Variants in RORA observed in about 807,000 individuals in gnomAD.
RORA encodes the protein RAR related orphan receptor A, also known as nuclear receptor ROR-alpha.
Under a neutral mutation model 69.5 loss-of-function variants are expected in RORA, and 7 were observed. The ratio of observed to expected loss-of-function variants is 0.10; its 90% CI spans 0.06 to 0.19. RORA has a LOEUF of 0.19. Ranked by LOEUF, RORA falls within the 10% of genes least tolerant of loss-of-function variation. RORA has a pLI of 1.00. For synonymous variants in RORA, 261 were observed against 240.8 expected (o/e 1.08, Z -0.78); for missense variants, 457 against 663.0 (o/e 0.69, Z 3.41).
rs749170230 is a variant in RORA, at chr15:60,503,571, G to C, written c.1039C>G (p.Leu347Val). 6.2e-7 allele frequency: 1 copy of C among 1,614,088 alleles called. No individual in the cohort carries two copies. The highest frequency in any genetic ancestry group is 8.5e-7 in the Non-Finnish European group (1 of 1,179,984). Residue 347 changes from leucine (L) to valine (V), a missense_variant, in exon 7 of 11, where the codon CTG becomes GTG. Transcript: ENST00000335670. Reference protein sequence around the residue: ...FAKRIDGFMELCQNDQIVLLK... With the variant: ...FAKRIDGFMEVCQNDQIVLLK... Reference sequence around the variant, plus strand: ...AGCACAATTTGATCATTTTGACACAGTTCCATAAATCCATCAATGCGTTTG... The same window carrying C: ...AGCACAATTTGATCATTTTGACACACTTCCATAAATCCATCAATGCGTTTG...
intron 1 of RORA, among the ~76,000 whole-genome samples, chr15:60,879,735 T>A (rs979524183): frequency 6.6e-6 from 1 of 152,240 alleles, no homozygotes. Flanking sequence ...AACAGGCTAA[T>A]AGCACTGAGG....
chr15:61,047,121 G>A lies in RORA; in HGVS notation c.166+181932C>T, dbSNP rs58836007. Among the ~76,000 whole-genome samples, 975 of 152,264 alleles carry A rather than the reference G, an allele frequency of 6.4e-3. 12 individuals are homozygous for A. The highest frequency in any genetic ancestry group is 0.023 in the African/African-American group (938 of 41,550). On this transcript the variant is annotated intron_variant, in intron 1 of 10. Transcript: ENST00000335670. ...CTCTTTTTATTCTAGAAGGGGTCTG[G>A]GTCTCTGGCATGCTGAGCGGCCTTC... is the stretch of plus-strand genomic sequence containing the variant.
chr15:60,973,818 G>C (rs1275197438), intron 1 of RORA, among the ~76,000 whole-genome samples: 1 of 152,214 alleles, frequency 6.6e-6, no homozygotes, highest in African/African-American at 2.4e-5. Context: ...GTAACCGTGG[G>C]TCGGAGACAT....
In RORA at chr15:60,905,317, T is replaced by C. The variant is rs1369376514; in HGVS notation, c.167-226631A>G. On this transcript the variant is annotated intron_variant, in intron 1 of 10. Coordinates refer to ENST00000335670, the MANE Select transcript of RORA (RefSeq NM_134261.3). The surrounding 1 kb of genome is among the most constrained non-coding windows in gnomAD (Gnocchi z 4.8). Reference sequence around the variant, plus strand: ...GCAGCCAGAGGTTCCTTAATTTGCATCGTTATATGAGTGCAAAGCATGATG... The same window carrying C: ...GCAGCCAGAGGTTCCTTAATTTGCACCGTTATATGAGTGCAAAGCATGATG... Among the ~76,000 whole-genome samples the C allele has an allele frequency of 2.0e-5, 3 of 152,218 alleles. No individual in the cohort carries two copies. The highest frequency in any genetic ancestry group is 4.4e-5 in the Non-Finnish European group (3 of 68,038).
chr15:60,829,447 C>A (rs1034033748), intron 1 of RORA, among the ~76,000 whole-genome samples: 31 of 152,234 alleles, frequency 2.0e-4, no homozygotes, highest in African/African-American at 7.0e-4. Flanking sequence ...GGGCCCGATT[C>A]TGCCAAAAAA....
In RORA at chr15:60,534,927, T is replaced by C. The variant is rs2066632128; in HGVS notation, c.197-3076A>G. Among the ~76,000 whole-genome samples the C allele has an allele frequency of 6.6e-6, 1 of 152,126 alleles. No individual in the cohort carries two copies. Among genetic ancestry groups the C allele is most frequent in the Non-Finnish European group, 1.5e-5 (1 of 68,032 alleles). ...TTCAAATGAATCCATGAGAAAAAAA[T>C]GCAGTCAATGCCTTGCAAATTTTTC... On this transcript the variant is annotated intron_variant, in intron 2 of 10. Transcript: ENST00000335670. The surrounding 1 kb of genome is among the most constrained non-coding windows in gnomAD (Gnocchi z 5.0).
intron 1 of RORA, among the ~76,000 whole-genome samples, chr15:60,959,401 C>T (rs1893354538): frequency 6.6e-6 from 1 of 152,220 alleles, no homozygotes; most frequent in African/African-American, 2.4e-5. Context: ...CTAGTTCAAC[C>T]ACGTACCTGA....
chr15:60,811,127 T>TCCAG (rs886734019), intron 1 of RORA, among the ~76,000 whole-genome samples: 2 of 152,162 alleles, frequency 1.3e-5, no homozygotes, highest in African/African-American at 4.8e-5. Context: ...CTGTCCTGAG[T>TCCAG]CCAGAGACAC....
At chr15:60,672,816 T>C (rs918967748) in intron 2 of RORA, among the ~76,000 whole-genome samples, 2 of 152,258 alleles carry the variant, frequency 1.3e-5, no homozygotes, top group African/African-American at 2.4e-5. Context: ...TAGGTGGTGT[T>C]CCTGCTATTG....
chr15:61,091,403 C>T (rs546226515), intron 1 of RORA, among the ~76,000 whole-genome samples: 7 of 152,256 alleles, frequency 4.6e-5, no homozygotes, highest in African/African-American at 9.6e-5. Flanking sequence ...AATGGGCGTC[C>T]GTAAGCGCTG....
At chr15:60,510,991 T>C (rs935912990) in intron 5 of RORA, among the ~76,000 whole-genome samples, 3 of 152,182 alleles carry the variant, frequency 2.0e-5, no homozygotes, top group African/African-American at 7.2e-5. Context: ...ATTCAAAGAC[T>C]GCTTCCGTTG....
rs1413724827 is a variant in RORA at position 61,192,335 on chromosome 15, T to A, written c.166+36718A>T. ...AAGGCAAATTACTCTGGATTGCCAG[T>A]TTCCTAACCAGGCTACAAGGGATCC... On this transcript the variant is annotated intron_variant, in intron 1 of 10. Transcript: ENST00000335670. Among the ~76,000 whole-genome samples the A allele has an allele frequency of 2.6e-5, 4 of 152,218 alleles. 1 individual carries two copies. The highest frequency in any genetic ancestry group is 9.6e-5 in the African/African-American group (4 of 41,454).
chr15:61,159,077 G>C (rs1053429971), intron 1 of RORA, among the ~76,000 whole-genome samples: 5 of 152,124 alleles, frequency 3.3e-5, no homozygotes, highest in African/African-American at 1.2e-4. Flanking sequence ...GATATAAATA[G>C]ATAGACATAA....
intron 1 of RORA, among the ~76,000 whole-genome samples, chr15:61,030,740 A>C (rs992330175): frequency 6.6e-6 from 1 of 152,180 alleles, no homozygotes; most frequent in Admixed American, 6.6e-5. Flanking sequence ...TGTAGCATCT[A>C]AAACAGATTT....
intron 1 of RORA, among the ~76,000 whole-genome samples, chr15:60,780,879 T>C (rs1480467664): frequency 6.6e-6 from 1 of 152,210 alleles, no homozygotes; most frequent in East Asian, 1.9e-4. Context: ...AAAAGCACTC[T>C]GATAAAAGCT....
At position 61,076,936 on chromosome 15, in the gene RORA, TA is replaced by T. The variant is rs76513450; in HGVS notation, c.166+152116del. ...CCCCCTCTCCCTTGCTTGTTCAAAG[TA>T]AAAAAAAAAAAAGCCCTTAATTGCT... On this transcript the variant is annotated intron_variant, in intron 1 of 10. Coordinates refer to ENST00000335670, the MANE Select transcript of RORA (RefSeq NM_134261.3). Among the ~76,000 whole-genome samples the T allele has an allele frequency of 5.4e-3, 757 of 139,216 alleles. 4 individuals carry two copies. The highest frequency in any genetic ancestry group is 0.019 in the Middle Eastern group (5 of 270). 91.3% of individuals were successfully genotyped at this position (139,216 alleles called of 152,430 possible).
intron 1 of RORA, among the ~76,000 whole-genome samples, chr15:60,893,931 C>T (rs1426807896): frequency 2.6e-5 from 4 of 152,194 alleles, no homozygotes; most frequent in African/African-American, 9.7e-5. Context: ...CAAACCCAGA[C>T]CTCTCAAGTC....
chr15:60,851,523 C>T (rs2073324452), intron 1 of RORA, among the ~76,000 whole-genome samples: 1 of 152,170 alleles, frequency 6.6e-6, no homozygotes, highest in African/African-American at 2.4e-5. Context: ...AATCATACCA[C>T]TCAAAGTAGG....
intron 1 of RORA, among the ~76,000 whole-genome samples, chr15:60,997,582 T>G (rs575700648): frequency 6.6e-6 from 1 of 152,276 alleles, no homozygotes; most frequent in African/African-American, 2.4e-5. Flanking sequence ...ATAGTGTGTT[T>G]TAAAAAATTA....
Sources: gnomAD v4.1 joint callset for allele counts (sites outside exome capture counted in the v4.1 genomes callset) on GRCh38, gnomAD v4.1.1 for gene constraint, Gnocchi (gnomAD v3.1) non-coding constraint, MANE v1.5 for transcripts, NCBI Gene and HGNC (gene_info 2026-07-23, HGNC 2026-07-21) for gene names.